The following PALM2AKAP2 variants were observed in gnomAD, a reference collection of about 807,000 sequenced individuals.
PALM2AKAP2 encodes PALM2 and AKAP2 fusion.
A neutral mutation model predicts 71.5 loss-of-function variants in PALM2AKAP2; 37 were observed. The observed-to-expected ratio is 0.52, with a 90% CI of 0.40 to 0.68. The LOEUF (loss-of-function observed/expected upper bound fraction) is 0.68. Among genes scored for constraint, PALM2AKAP2 ranks in the 30% least tolerant of loss-of-function variants. The pLI is 0.00. For missense variants in PALM2AKAP2, 1,224 were observed against 1,191.8 expected (o/e 1.03, Z -0.40); for synonymous variants, 468 against 478.8 (o/e 0.98, Z 0.29).
At chr9:109,942,048 C>A (rs1185226793) in intron 6 of PALM2AKAP2, among the ~76,000 whole-genome samples, 1 of 152,188 alleles carries the variant, frequency 6.6e-6, no homozygotes, top group Non-Finnish European at 1.5e-5. Context: ...ATTCCAGTGT[C>A]CTATGTGATG....
At chr9:109,961,032 A>T (rs1356494076) in intron 6 of PALM2AKAP2, among the ~76,000 whole-genome samples, 1 of 152,212 alleles carries the variant, frequency 6.6e-6, no homozygotes, top group Non-Finnish European at 1.5e-5. Flanking sequence ...GCCAAGTATG[A>T]TTGTTCAGGT....
At chr9:109,951,681 C>T (rs1011905516) in intron 6 of PALM2AKAP2, among the ~76,000 whole-genome samples, 3 of 152,174 alleles carry the variant, frequency 2.0e-5, no homozygotes, top group South Asian at 2.1e-4. Flanking sequence ...ACTCAGATTC[C>T]GATTCCCAGG....
intron 1 of PALM2AKAP2, among the ~76,000 whole-genome samples, chr9:109,805,971 G>A (rs1827560203): frequency 6.6e-6 from 1 of 152,192 alleles, no homozygotes; most frequent in African/African-American, 2.4e-5. Context: ...CCTGACTCCA[G>A]GGCCATGGAA....
At chr9:109,699,546 A>G (rs1415090063) in intron 1 of PALM2AKAP2, among the ~76,000 whole-genome samples, 1 of 152,190 alleles carries the variant, frequency 6.6e-6, no homozygotes, top group Non-Finnish European at 1.5e-5. Context: ...ACATTATTCC[A>G]CCATTAAAAT....
chr9:109,941,179 AC>A (rs1270461012), intron 6 of PALM2AKAP2, among the ~76,000 whole-genome samples: 1 of 130,864 alleles, frequency 7.6e-6, no homozygotes, highest in African/African-American at 3.0e-5. Flanking sequence ...TAAAGAAACA[AC>A]CCTTTACAAG....
At chr9:110,070,980 G>A (rs145377263) in intron 1 of PALM2AKAP2, among the ~76,000 whole-genome samples, 2,018 of 151,916 alleles carry the variant, frequency 0.013, 38 homozygotes, top group African/African-American at 0.047. Context: ...TGGCCAACGT[G>A]GTGAAACCCC....
At chr9:109,656,166 CAT>C (rs946891541) in intron 1 of PALM2AKAP2, among the ~76,000 whole-genome samples, 4 of 152,084 alleles carry the variant, frequency 2.6e-5, no homozygotes, top group African/African-American at 9.7e-5. Flanking sequence ...CCTCATGTAA[CAT>C]AGGAGGAAGG....
At chr9:109,862,881 C>T (rs775099336) in intron 1 of PALM2AKAP2, 1 of 512,108 alleles carries the variant, frequency 2.0e-6, no homozygotes, top group South Asian at 1.4e-5. Context: ...ACTAAGAGGA[C>T]ATGAACCAGC....
At chr9:110,142,308 C>G (rs1318234287) in intron 2 of PALM2AKAP2, among the ~76,000 whole-genome samples, 1 of 151,970 alleles carries the variant, frequency 6.6e-6, no homozygotes, top group Non-Finnish European at 1.5e-5. Context: ...AGGCTGGTCT[C>G]CAACTCCTGA....
intron 1 of PALM2AKAP2, among the ~76,000 whole-genome samples, chr9:109,845,196 T>C (rs1297820427): frequency 2.0e-5 from 3 of 152,208 alleles, no homozygotes; most frequent in Non-Finnish European, 4.4e-5. Flanking sequence ...GCCCAGGAGC[T>C]TCTAGGCCCA....
At chr9:109,748,308 A>G (rs1337696376) in intron 1 of PALM2AKAP2, among the ~76,000 whole-genome samples, 1 of 152,040 alleles carries the variant, frequency 6.6e-6, no homozygotes, top group East Asian at 1.9e-4. Flanking sequence ...TCTGCAGTTG[A>G]GGGTACATGA....
upstream of PALM2AKAP2, chr9:110,048,514 C>A: frequency 6.9e-6 from 4 of 578,574 alleles, no homozygotes; most frequent in Non-Finnish European, 1.2e-5. Context: ...GTTTGTGCAT[C>A]GATTCCGCCG....
Position 110,088,703 on chromosome 9 carries a change from G to GTTTTGTTTT in PALM2AKAP2, c.156+39852_156+39853insGTTTTTTTT, listed in dbSNP as rs1834628901. Among the ~76,000 whole-genome samples, 42 of 75,632 alleles carry GTTTTGTTTT rather than the reference G, an allele frequency of 5.6e-4. 1 individual carries two copies. Among genetic ancestry groups the GTTTTGTTTT allele is most frequent in the Non-Finnish European group, 8.8e-4 (32 of 36,296 alleles). 49.6% of individuals were successfully genotyped at this position (75,632 alleles called of 152,430 possible). ...TAGCTATTAAAGTTTGCATTTACGTGTTTTTTTTTTTTTTTTTTTTTTTTT... is the reference window on the plus strand; with the variant it reads ...TAGCTATTAAAGTTTGCATTTACGTGTTTTGTTTTTTTTTTTTTTTTTTTTTTTTTTTTT... On this transcript the variant is annotated intron_variant, in intron 1 of 3. Coordinates refer to ENST00000374525, the Ensembl canonical transcript of PALM2AKAP2.
intron 1 of PALM2AKAP2, among the ~76,000 whole-genome samples, chr9:109,792,819 A>G (rs2118882190): frequency 1.3e-5 from 2 of 152,236 alleles, no homozygotes; most frequent in South Asian, 4.2e-4. Flanking sequence ...TAGCAACTAA[A>G]TGTATAGGAT....
At chr9:109,665,340 T>G (rs1030233528) in intron 1 of PALM2AKAP2, among the ~76,000 whole-genome samples, 1 of 152,226 alleles carries the variant, frequency 6.6e-6, no homozygotes, top group Non-Finnish European at 1.5e-5. Context: ...CCTTTGGTCT[T>G]TGATATTGGT....
intron 1 of PALM2AKAP2, among the ~76,000 whole-genome samples, chr9:109,646,233 G>T (rs2132228500): frequency 6.6e-6 from 1 of 152,234 alleles, no homozygotes; most frequent in African/African-American, 2.4e-5. Context: ...TGCCCTCCTG[G>T]GTGGGTTGGG....
At chr9:110,066,328 G>A (rs537215668) in intron 1 of PALM2AKAP2, among the ~76,000 whole-genome samples, 33 of 152,252 alleles carry the variant, frequency 2.2e-4, no homozygotes, top group Middle Eastern at 3.4e-3. Flanking sequence ...ACCTTTGTAA[G>A]CTTTAGTTTC....
At chr9:110,011,824 C>T (rs999667933) in intron 6 of PALM2AKAP2, among the ~76,000 whole-genome samples, 5 of 152,168 alleles carry the variant, frequency 3.3e-5, no homozygotes, top group East Asian at 1.9e-4. Context: ...CAGCTGCTCT[C>T]TTGTTTCCAT....
At chr9:109,813,549 A>G (rs950805209) in intron 1 of PALM2AKAP2, among the ~76,000 whole-genome samples, 9 of 152,020 alleles carry the variant, frequency 5.9e-5, no homozygotes, top group African/African-American at 1.9e-4. Context: ...GGAGGTAGGG[A>G]TGAGAAATGG....
Sources: gnomAD v4.1 joint callset for allele counts (sites outside exome capture counted in the v4.1 genomes callset) on GRCh38, gnomAD v4.1.1 for gene constraint, MANE v1.5 for transcripts, NCBI Gene and HGNC (gene_info 2026-07-23, HGNC 2026-07-21) for gene names.